Variants in KLHL2 observed in about 807,000 individuals in gnomAD.
KLHL2 encodes kelch-like protein 2.
KLHL2 carries 15 observed loss-of-function variants against 75.8 expected under a neutral mutation model. The ratio of observed to expected loss-of-function variants is 0.20; its 90% CI spans 0.13 to 0.30. The LOEUF is 0.30. Among genes scored for constraint, KLHL2 ranks in the 10% least tolerant of loss-of-function variants. KLHL2 has a pLI of 1.00. For synonymous variants in KLHL2, 214 were observed against 251.9 expected (o/e 0.85, Z 1.42); for missense variants, 381 against 741.0 (o/e 0.51, Z 5.64).
chr4:165,238,944 T>C (rs773950012), intron 4 of KLHL2, 45 bp downstream of exon 4: 2 of 1,566,336 alleles, frequency 1.3e-6, no homozygotes, highest in East Asian at 4.5e-5. Flanking sequence ...ATGCATACAG[T>C]TTTTTTAATA....
intron 5 of KLHL2, among the ~76,000 whole-genome samples, chr4:165,281,973 G>T (rs1413838791): frequency 2.0e-5 from 3 of 152,146 alleles, no homozygotes; most frequent in African/African-American, 7.2e-5. Context: ...AGTGGCCAGT[G>T]GTGAACTACT....
chr4:165,298,602 CT>C (rs1011802032), intron 7 of KLHL2, among the ~76,000 whole-genome samples: 7 of 152,032 alleles, frequency 4.6e-5, no homozygotes, highest in Non-Finnish European at 7.3e-5. Context: ...AATCTCATTA[CT>C]TTTTGTGATC....
intron 5 of KLHL2, among the ~76,000 whole-genome samples, chr4:165,288,767 T>G (rs184736293): frequency 2.6e-5 from 4 of 152,150 alleles, no homozygotes; most frequent in African/African-American, 9.6e-5. Context: ...CTGTAAAGAT[T>G]GTGCTGATTT....
chr4:165,288,661 G>A (rs1744269290), intron 5 of KLHL2, among the ~76,000 whole-genome samples: 1 of 151,984 alleles, frequency 6.6e-6, no homozygotes, highest in Non-Finnish European at 1.5e-5. Flanking sequence ...ACTCTCTTTT[G>A]TAGTTGTTAA....
intron 1 of KLHL2, 77 bp from the exon 2 acceptor site, chr4:165,219,857 C>G: frequency 4.2e-6 from 6 of 1,414,960 alleles, no homozygotes; most frequent in Non-Finnish European, 5.7e-6. Context: ...CATTGTCTCT[C>G]TTGTAGCTTG....
chr4:165,258,839 G>A (rs1741417395), intron 4 of KLHL2, among the ~76,000 whole-genome samples: 1 of 152,190 alleles, frequency 6.6e-6, no homozygotes, highest in Non-Finnish European at 1.5e-5. Context: ...AATTACATTA[G>A]ATATTGAAAG....
chr4:165,254,178 T>C (rs1270666624), intron 4 of KLHL2, among the ~76,000 whole-genome samples: 6 of 152,268 alleles, frequency 3.9e-5, no homozygotes, highest in African/African-American at 1.4e-4. Context: ...TAAGTTGTTC[T>C]AATATGATGA....
chr4:165,263,258 T>C lies in KLHL2; in HGVS notation c.443T>C (p.Phe148Ser). The change falls in exon 5 of 15, where the codon TTT becomes TCT. Residue 148 changes from phenylalanine to serine, a missense_variant. This residue lies in a region of KLHL2 where 51 missense variants were observed against 101.3 expected (regional missense o/e 0.50). Transcript: ENST00000226725. ...GATGTGAAGAAGACTTGTTGTGAAT[T>C]TTTGGAATCCCAGCTTCACCCTGTC... ...LQDVKKTCCE[F>S]LESQLHPVNC... 6.2e-7 allele frequency: 1 copy of C among 1,614,034 alleles called. No homozygotes were observed.
chr4:165,215,527 G>T (rs561257557), intron 1 of KLHL2, among the ~76,000 whole-genome samples: 26 of 152,174 alleles, frequency 1.7e-4, no homozygotes, highest in Admixed American at 1.1e-3. Flanking sequence ...CTGCTGACGT[G>T]AACTTGGCAG....
chr4:165,298,954 C>T (rs1177641634), intron 7 of KLHL2, among the ~76,000 whole-genome samples: 1 of 144,362 alleles, frequency 6.9e-6, no homozygotes, highest in East Asian at 2.1e-4. Context: ...CCCTCCCCCC[C>T]CAGAAAAAAG....
intron 9 of KLHL2, among the ~76,000 whole-genome samples, chr4:165,306,929 T>G (rs1321326112): frequency 6.6e-6 from 1 of 152,246 alleles, no homozygotes; most frequent in Non-Finnish European, 1.5e-5. Flanking sequence ...GACTTAAAAT[T>G]TTGTTTCTTG....
At chr4:165,297,269 C>T (rs973068351) in intron 6 of KLHL2, among the ~76,000 whole-genome samples, 1 of 152,028 alleles carries the variant, frequency 6.6e-6, no homozygotes, top group Non-Finnish European at 1.5e-5. Flanking sequence ...CTGAGTCGAT[C>T]TATTGTACAA....
At chr4:165,262,390 T>C (rs1026887659) in intron 4 of KLHL2, among the ~76,000 whole-genome samples, 2 of 152,226 alleles carry the variant, frequency 1.3e-5, no homozygotes, top group Non-Finnish European at 2.9e-5. Context: ...GCAGTTGTTA[T>C]GATACTCATA....
At chr4:165,220,998 A>G (rs1464046175) in intron 2 of KLHL2, among the ~76,000 whole-genome samples, 1 of 152,158 alleles carries the variant, frequency 6.6e-6, no homozygotes, top group Non-Finnish European at 1.5e-5. Context: ...ACGTATATCT[A>G]TCTGAAATGC....
chr4:165,209,846 C>T (rs1737080310), intron 1 of KLHL2: 1 of 428,142 alleles, frequency 2.3e-6, no homozygotes. Context: ...AAACCTAATT[C>T]AAGAACTCGT....
intron 2 of KLHL2, 102 bp downstream of exon 2, chr4:165,220,161 G>T (rs1737868017): frequency 6.7e-7 from 1 of 1,501,516 alleles, no homozygotes; most frequent in Non-Finnish European, 8.9e-7. Flanking sequence ...GCTTTGTCTG[G>T]TACACAGAAC....
At chr4:165,256,087 A>G (rs1403900329) in intron 4 of KLHL2, among the ~76,000 whole-genome samples, 1 of 152,072 alleles carries the variant, frequency 6.6e-6, no homozygotes, top group Non-Finnish European at 1.5e-5. Context: ...AACAATGTGA[A>G]GTAGGATGAA....
chr4:165,305,031 T>TAC (rs1172740998), intron 8 of KLHL2, among the ~76,000 whole-genome samples: 6 of 152,188 alleles, frequency 3.9e-5, no homozygotes, highest in African/African-American at 9.7e-5. Flanking sequence ...CATGTCCTGT[T>TAC]AGGTTGTTTT....
intron 5 of KLHL2, among the ~76,000 whole-genome samples, chr4:165,292,459 A>G (rs577251884): frequency 5.9e-5 from 9 of 152,082 alleles, no homozygotes; most frequent in East Asian, 5.8e-4. Flanking sequence ...CAGCCTCCCA[A>G]GTAGCTGGGA....
Sources: allele counts gnomAD v4.1 joint callset (sites outside exome capture counted in the v4.1 genomes callset), GRCh38; gene constraint gnomAD v4.1.1; regional missense constraint gnomAD v4.1.1; transcripts MANE v1.5; gene names NCBI Gene and HGNC (gene_info 2026-07-23, HGNC 2026-07-21).